Variants in AFDN observed in about 807,000 individuals in gnomAD.
The protein encoded by AFDN is afadin, adherens junction formation factor.
In AFDN, 68 loss-of-function variants were observed where a neutral mutation model predicts 216.6. The observed-to-expected ratio is 0.31, with a 90% CI of 0.26 to 0.38. The LOEUF (loss-of-function observed/expected upper bound fraction) is 0.38. AFDN is among the 10% of genes least tolerant of loss of function. AFDN has a pLI of 1.00. For synonymous variants in AFDN, 868 were observed against 853.7 expected, an observed-to-expected ratio of 1.02 and a Z score of -0.29; for missense variants, 2,136 against 2,342.0, an observed-to-expected ratio of 0.91 and a Z score of 1.82.
chr6:167,836,222 A>G (rs909515428), intron 1 of AFDN, among the ~76,000 whole-genome samples: 7 of 152,198 alleles, frequency 4.6e-5, no homozygotes, highest in African/African-American at 1.4e-4. Flanking sequence ...AGTTCTACTT[A>G]TAGATCTTGT....
chr6:167,880,587 A>G (rs1785990288), intron 6 of AFDN, 70 bp downstream of exon 6: 3 of 1,455,032 alleles, frequency 2.1e-6, no homozygotes, highest in Non-Finnish European at 2.9e-6. Flanking sequence ...TTTAAATCAA[A>G]TTAAACCTAG....
At chr6:167,902,433 A>G (rs1463816099) in intron 12 of AFDN, 47 bp downstream of exon 12, 2 of 1,371,122 alleles carry the variant, frequency 1.5e-6, no homozygotes, top group East Asian at 4.6e-5. Context: ...GCTATAGGAC[A>G]CCATGGATGA....
At chr6:167,922,738 G>A (rs1325262706) in intron 21 of AFDN, 118 bp from the exon 22 acceptor site, 3 of 644,602 alleles carry the variant, frequency 4.7e-6, no homozygotes, top group African/African-American at 1.8e-5. Flanking sequence ...GATTAAAGGT[G>A]TAGAGTAAGA....
intron 1 of AFDN, among the ~76,000 whole-genome samples, chr6:167,855,896 A>G (rs939867274): frequency 1.3e-5 from 2 of 152,144 alleles, no homozygotes; most frequent in Admixed American, 6.6e-5. Flanking sequence ...CAGTAGTCCC[A>G]CCTATCCACT....
chr6:167,965,241 GA>G, intron 31 of AFDN: 1 of 236,290 alleles, frequency 4.2e-6, no homozygotes, highest in Non-Finnish European at 6.9e-6. Flanking sequence ...CCTTGTCCAG[GA>G]AGGACTGCTC....
chr6:167,917,852 A>G (rs145542236), intron 20 of AFDN, among the ~76,000 whole-genome samples: 5 of 152,358 alleles, frequency 3.3e-5, no homozygotes, highest in South Asian at 2.1e-4. Flanking sequence ...AAATCGTGTC[A>G]TAGTCATTTA....
chr6:167,881,270 G>A (rs1786073722), intron 6 of AFDN, among the ~76,000 whole-genome samples: 1 of 152,160 alleles, frequency 6.6e-6, no homozygotes, highest in Admixed American at 6.5e-5. Context: ...AAGTTACATT[G>A]AGTTGGAAAA....
At position 167,827,025 on chromosome 6, in the gene AFDN, AGGCGGCC is replaced by A. The variant is rs1213426249; in HGVS notation, c.-102_-96del. Reference sequence around the variant, plus strand: ...GAGGCGGAGGCAGCCGCGGAGGCGGAGGCGGCCGGCGGGGGGTGGCGAGGGGCGCCGG... The same window carrying A: ...GAGGCGGAGGCAGCCGCGGAGGCGGAGGCGGGGGGTGGCGAGGGGCGCCGG... On this transcript the variant is annotated 5_prime_UTR_variant, in exon 1 of 34. Coordinates refer to ENST00000683244, the MANE Select transcript of AFDN (RefSeq NM_001386888.1). The A allele has an allele frequency of 1.5e-5, 5 of 332,714 alleles. No individual in the cohort carries two copies. The highest frequency in any genetic ancestry group is 2.1e-5 in the Non-Finnish European group (5 of 235,156). 20.6% of individuals were successfully genotyped at this position (332,714 alleles called of 1,614,324 possible).
At chr6:167,966,616 A>C (rs528387418) in intron 32 of AFDN, among the ~76,000 whole-genome samples, 1 of 152,162 alleles carries the variant, frequency 6.6e-6, no homozygotes, top group African/African-American at 2.4e-5. Context: ...ATGATCTTCT[A>C]TTTGTTTGAA....
intron 13 of AFDN, among the ~76,000 whole-genome samples, chr6:167,908,382 A>C (rs911239135): frequency 6.6e-6 from 1 of 152,208 alleles, no homozygotes; most frequent in Non-Finnish European, 1.5e-5. Context: ...TTTTGGTTCT[A>C]ATGCAAGATT....
At chr6:167,952,252 C>A in intron 30 of AFDN, 65 bp downstream of exon 30, 1 of 1,611,466 alleles carries the variant, frequency 6.2e-7, no homozygotes, top group Non-Finnish European at 8.5e-7. Context: ...GCGTGTTTCC[C>A]ATGGGGATAG....
intron 2 of AFDN, among the ~76,000 whole-genome samples, chr6:167,867,018 G>C (rs1784264536): frequency 6.6e-6 from 1 of 152,190 alleles, no homozygotes; most frequent in Non-Finnish European, 1.5e-5. Flanking sequence ...AAAGGATCAT[G>C]CTACTTTAAA....
intron 1 of AFDN, among the ~76,000 whole-genome samples, chr6:167,839,357 C>CT (rs558765660): frequency 0.022 from 3,213 of 146,540 alleles, 54 homozygotes; most frequent in South Asian, 0.044. Context: ...CTGTTGTTTA[C>CT]TTTTTTTTTT....
chr6:167,878,547 T>C (rs1424899204), intron 5 of AFDN, among the ~76,000 whole-genome samples: 1 of 152,008 alleles, frequency 6.6e-6, no homozygotes, highest in East Asian at 1.9e-4. Context: ...GACACAGTCA[T>C]ACATGTGCAC....
chr6:167,930,255 G>T (rs626848), intron 23 of AFDN, among the ~76,000 whole-genome samples: 123,232 of 152,126 alleles, frequency 0.81, 50,826 homozygotes, highest in East Asian at 0.98. Flanking sequence ...ATAGATTTAG[G>T]GAGACTAAGC....
At position 167,951,625 on chromosome 6, in the gene AFDN, G is replaced by T; in HGVS notation, c.4271G>T (p.Arg1424Leu). 1.9e-6 allele frequency: 3 copies of T among 1,614,106 alleles called. No homozygotes were observed. Among genetic ancestry groups the T allele is most frequent in the African/African-American group, 1.3e-5 (1 of 75,046 alleles). The change falls in exon 30 of 34, where the codon CGT becomes CTT. Residue 1424 changes from arginine (R) to leucine (L), a missense_variant. By Grantham distance (102) the Arg-to-Leu change is moderately radical. Transcript: ENST00000683244. The surrounding 1 kb of genome is among the most constrained non-coding windows in gnomAD (Gnocchi z 7.1). The part of the protein sequence containing the change: ...AERRKREEHQ[R>L]WYEKEKARLE... Reference sequence around the variant, plus strand: ...CGGAGAAAGAGAGAAGAACATCAGCGTTGGTATGAGAAGGAGAAGGCCCGC... The same window carrying T: ...CGGAGAAAGAGAGAAGAACATCAGCTTTGGTATGAGAAGGAGAAGGCCCGC...
chr6:167,928,283 TG>T (rs1283536475), intron 23 of AFDN, among the ~76,000 whole-genome samples: 2 of 152,266 alleles, frequency 1.3e-5, no homozygotes, highest in Non-Finnish European at 2.9e-5. Flanking sequence ...CACCCTCTGC[TG>T]GGTGGCCTCT....
intron 5 of AFDN, 132 bp from the exon 6 acceptor site, chr6:167,880,228 T>C (rs1031698550): frequency 2.9e-5 from 22 of 757,528 alleles, no homozygotes; most frequent in South Asian, 5.6e-5. Context: ...ACAATAGTTA[T>C]TAGGCAGATT....
At chr6:167,838,852 C>T (rs149164783) in intron 1 of AFDN, among the ~76,000 whole-genome samples, 3,013 of 152,168 alleles carry the variant, frequency 0.02, 55 homozygotes, top group Non-Finnish European at 0.033. Flanking sequence ...TTTTAAGAAC[C>T]ACATATTAGC....
Sources: gnomAD v4.1 joint callset for allele counts (sites outside exome capture counted in the v4.1 genomes callset) on GRCh38, gnomAD v4.1.1 for gene constraint, Gnocchi (gnomAD v3.1) non-coding constraint, MANE v1.5 for transcripts, NCBI Gene and HGNC (gene_info 2026-07-23, HGNC 2026-07-21) for gene names.